THSD7B: variants seen among roughly 807,000 people sequenced by gnomAD.
The protein encoded by THSD7B is thrombospondin type 1 domain containing 7B.
A neutral mutation model predicts 213.6 loss-of-function variants in THSD7B; 138 were observed. The ratio of observed to expected loss-of-function variants is 0.65; its 90% CI spans 0.56 to 0.74. THSD7B has a LOEUF of 0.74. THSD7B is among the 30% of genes least tolerant of loss of function. The pLI is 0.00. For missense variants in THSD7B, 1,931 were observed against 1,991.5 expected, an observed-to-expected ratio of 0.97 and a Z score of 0.58; for synonymous variants, 742 against 687.0, an observed-to-expected ratio of 1.08 and a Z score of -1.25.
chr2:137,666,698 CTAAGT>C (rs1683454771), intron 26 of THSD7B, among the ~76,000 whole-genome samples: 1 of 151,880 alleles, frequency 6.6e-6, no homozygotes, highest in Admixed American at 6.6e-5. Flanking sequence ...CAGTCCAATT[CTAAGT>C]TTAGTTAGCT....
At chr2:137,209,902 G>C (rs1681062780) in intron 7 of THSD7B, among the ~76,000 whole-genome samples, 1 of 151,462 alleles carries the variant, frequency 6.6e-6, no homozygotes, top group African/African-American at 2.4e-5. Flanking sequence ...TTAAACTTAG[G>C]CTGTTAAGGT....
At chr2:137,028,059 T>C (rs1686587218) in intron 2 of THSD7B, among the ~76,000 whole-genome samples, 1 of 152,224 alleles carries the variant, frequency 6.6e-6, no homozygotes, top group South Asian at 2.1e-4. Flanking sequence ...ATATGCTTCA[T>C]ATCATGAATT....
intron 1 of THSD7B, among the ~76,000 whole-genome samples, chr2:136,797,548 A>G (rs530271551): frequency 1.1e-4 from 16 of 152,114 alleles, no homozygotes; most frequent in African/African-American, 3.6e-4. Flanking sequence ...GCAGATGGGT[A>G]GGCCATTGAT....
chr2:136,862,548 G>A (rs2104973608), intron 1 of THSD7B, among the ~76,000 whole-genome samples: 1 of 152,290 alleles, frequency 6.6e-6, no homozygotes, highest in South Asian at 2.1e-4. Flanking sequence ...TCACTGGGGA[G>A]CTCGCAGTCG....
intron 15 of THSD7B, among the ~76,000 whole-genome samples, chr2:137,539,313 TAAGA>T (rs1187233137): frequency 3.3e-5 from 5 of 151,540 alleles, no homozygotes; most frequent in Non-Finnish European, 7.4e-5. Context: ...TTGCAAGGAC[TAAGA>T]AAGGAAAATC....
chr2:137,302,277 G>T (rs1683624421), intron 12 of THSD7B, among the ~76,000 whole-genome samples: 1 of 150,482 alleles, frequency 6.6e-6, no homozygotes, highest in South Asian at 2.1e-4. Context: ...CTGGGGAAAT[G>T]AGAAAAAAAC....
intron 15 of THSD7B, among the ~76,000 whole-genome samples, chr2:137,489,112 G>T (rs1292382616): frequency 1.3e-5 from 2 of 152,042 alleles, no homozygotes; most frequent in African/African-American, 4.8e-5. Context: ...TGGATAATTT[G>T]GTCTATTGTC....
intron 15 of THSD7B, among the ~76,000 whole-genome samples, chr2:137,497,843 A>G (rs1310571734): frequency 1.3e-5 from 2 of 152,202 alleles, no homozygotes; most frequent in Admixed American, 6.5e-5. Context: ...TGTAACTTTA[A>G]GAGGGTAAAC....
intron 12 of THSD7B, among the ~76,000 whole-genome samples, chr2:137,389,304 A>G (rs1472692978): frequency 1.4e-5 from 2 of 146,854 alleles, no homozygotes; most frequent in Non-Finnish European, 3.0e-5. Context: ...TTCCCTAATG[A>G]TAAGTGATAT....
chr2:137,043,987 C>T (rs1048593690), intron 2 of THSD7B, among the ~76,000 whole-genome samples: 1 of 152,170 alleles, frequency 6.6e-6, no homozygotes, highest in East Asian at 1.9e-4. Flanking sequence ...TAATCTCACT[C>T]CACGCTCCTC....
At chr2:137,447,448 T>C (rs573900198) in intron 14 of THSD7B, among the ~76,000 whole-genome samples, 63 of 152,328 alleles carry the variant, frequency 4.1e-4, no homozygotes, top group African/African-American at 1.5e-3. Context: ...TTCCTCTTTC[T>C]ATTTGGTAGC....
chr2:136,825,446 G>C (rs1395595332), intron 1 of THSD7B, among the ~76,000 whole-genome samples: 1 of 152,052 alleles, frequency 6.6e-6, no homozygotes, highest in African/African-American at 2.4e-5. Flanking sequence ...GCGTTCCTTG[G>C]CTTATGGTCC....
At chr2:137,621,241 G>A (rs1682513983) in intron 20 of THSD7B, among the ~76,000 whole-genome samples, 1 of 152,096 alleles carries the variant, frequency 6.6e-6, no homozygotes, top group Non-Finnish European at 1.5e-5. Flanking sequence ...GCTCTGTGGA[G>A]GTTTTATGAA....
At chr2:136,824,233 A>G (rs1342833701) in intron 1 of THSD7B, among the ~76,000 whole-genome samples, 1 of 152,064 alleles carries the variant, frequency 6.6e-6, no homozygotes, top group Non-Finnish European at 1.5e-5. Flanking sequence ...TGTTTTTGAT[A>G]TGTATACTCA....
At chr2:137,318,286 A>G (rs1258122704) in intron 12 of THSD7B, among the ~76,000 whole-genome samples, 1 of 152,120 alleles carries the variant, frequency 6.6e-6, no homozygotes, top group Admixed American at 6.5e-5. Context: ...ATAAAGAAGT[A>G]CCTCCTAGTC....
intron 1 of THSD7B, among the ~76,000 whole-genome samples, chr2:136,860,613 CA>C (rs1227245182): frequency 6.6e-6 from 1 of 152,208 alleles, no homozygotes; most frequent in East Asian, 1.9e-4. Flanking sequence ...TCTAATCCAT[CA>C]GCAAATCTTG....
intron 2 of THSD7B, among the ~76,000 whole-genome samples, chr2:136,955,314 G>A (rs1242380999): frequency 6.6e-6 from 1 of 152,192 alleles, no homozygotes; most frequent in Non-Finnish European, 1.5e-5. Flanking sequence ...CGCTGAGCAA[G>A]TTTCAGCCCA....
chr2:137,032,212 A>C (rs930803477), intron 2 of THSD7B, among the ~76,000 whole-genome samples: 3 of 151,960 alleles, frequency 2.0e-5, no homozygotes, highest in African/African-American at 7.3e-5. Context: ...CACCCTACTA[A>C]TAGAGTAAAG....
intron 10 of THSD7B, among the ~76,000 whole-genome samples, chr2:137,246,971 G>A (rs142736958): frequency 2.1e-4 from 32 of 152,100 alleles, no homozygotes; most frequent in Non-Finnish European, 2.8e-4. Context: ...GGATATCTGC[G>A]ATAAATTCTC....
Sources: allele counts gnomAD v4.1 joint callset (sites outside exome capture counted in the v4.1 genomes callset), GRCh38; gene constraint gnomAD v4.1.1; transcripts MANE v1.5; gene names NCBI Gene and HGNC (gene_info 2026-07-23, HGNC 2026-07-21).